The following FRMPD4 variants were observed in gnomAD, a reference collection of about 807,000 sequenced individuals.
FRMPD4 encodes the protein FERM and PDZ domain containing 4.
In FRMPD4, 22 loss-of-function variants were observed where a neutral mutation model predicts 94.1. That is an observed-to-expected ratio of 0.23 (90% confidence interval 0.17 to 0.33). The LOEUF is 0.33. Ranked by LOEUF, FRMPD4 falls within the 10% of genes least tolerant of loss-of-function variation. The pLI, the probability that FRMPD4 is intolerant of heterozygous loss-of-function variation, is 1.00. For missense variants in FRMPD4, 1,111 were observed against 1,339.9 expected (o/e 0.83, Z 2.67); for synonymous variants, 631 against 548.6 (o/e 1.15, Z -2.10).
chrX:11,842,637 G>A (rs1175108853), intron 1 of FRMPD4, among the ~76,000 whole-genome samples: 8 of 84,625 alleles, frequency 9.5e-5, no homozygotes, highest in Non-Finnish European at 1.3e-4. Context: ...ATCAGCTTAA[G>A]GAGATTTTGG....
intron 3 of FRMPD4, among the ~76,000 whole-genome samples, chrX:11,984,722 T>A (rs1434039570): frequency 8.9e-6 from 1 of 112,313 alleles, no homozygotes; most frequent in East Asian, 2.8e-4. Context: ...ATAGGCTTCA[T>A]CTTCAATATC....
At chrX:11,917,386 C>T (rs2147341834) in intron 3 of FRMPD4, among the ~76,000 whole-genome samples, 1 of 112,124 alleles carries the variant, frequency 8.9e-6, no homozygotes, top group East Asian at 2.8e-4. Context: ...AATTCCACTA[C>T]TGGGTATCAA....
chrX:12,002,142 A>G (rs1028821522), intron 3 of FRMPD4, among the ~76,000 whole-genome samples: 4 of 111,828 alleles, frequency 3.6e-5, no homozygotes, highest in African/African-American at 1.3e-4. Context: ...CTTCCTTCTC[A>G]TGCATTCTGT....
intron 1 of FRMPD4, among the ~76,000 whole-genome samples, chrX:11,846,646 G>A (rs1335865045): frequency 9.3e-6 from 1 of 107,709 alleles, no homozygotes; most frequent in African/African-American, 3.4e-5. Context: ...CAAGGCTACA[G>A]TAACCAAAAC....
intron 3 of FRMPD4, among the ~76,000 whole-genome samples, chrX:11,997,124 A>G (rs963827176): frequency 9.0e-6 from 1 of 111,380 alleles, no homozygotes; most frequent in Non-Finnish European, 1.9e-5. Context: ...GTGTTAGGAA[A>G]CAAGGCAGAA....
At chrX:11,901,712 G>A (rs778751675) in intron 3 of FRMPD4, among the ~76,000 whole-genome samples, 3 of 111,678 alleles carry the variant, frequency 2.7e-5, no homozygotes, top group Non-Finnish European at 5.7e-5. Flanking sequence ...ATTCCCATCA[G>A]CAGTGTAAAA....
chrX:12,001,873 T>C (rs2054526492), intron 3 of FRMPD4, among the ~76,000 whole-genome samples: 1 of 112,288 alleles, frequency 8.9e-6, no homozygotes. Flanking sequence ...AAAGATTGAC[T>C]TGCCATCATT....
intron 1 of FRMPD4, among the ~76,000 whole-genome samples, chrX:12,394,817 C>G (rs1350949896): frequency 1.8e-5 from 2 of 111,955 alleles, no homozygotes; most frequent in African/African-American, 6.5e-5. Flanking sequence ...TCTGACTGAA[C>G]ATGCTGATCT....
In FRMPD4 at chrX:12,534,937, T is replaced by C. The variant is rs1236322426; in HGVS notation, c.158+36141T>C. Among the ~76,000 whole-genome samples the C allele has an allele frequency of 3.6e-5, 4 of 111,027 alleles. No individual in the cohort carries two copies. The Admixed American group carries it at 3.8e-4, about 11-fold the overall frequency. On this transcript the variant is annotated intron_variant, in intron 2 of 16. Coordinates refer to ENST00000675598, the MANE Select transcript of FRMPD4 (RefSeq NM_001368397.1). ...GGTTTTGAAATGTGAAGCCATGAGATTTGGAGGGGCCAGGGGCAGAATGAT... is the reference window on the plus strand; with the variant it reads ...GGTTTTGAAATGTGAAGCCATGAGACTTGGAGGGGCCAGGGGCAGAATGAT...
intron 1 of FRMPD4, among the ~76,000 whole-genome samples, chrX:12,240,373 AGT>A (rs1456089291): frequency 8.9e-6 from 1 of 112,250 alleles, no homozygotes; most frequent in Non-Finnish European, 1.9e-5. Context: ...ATGTATCCCC[AGT>A]GTCTATAAGG....
chrX:12,083,609 G>A (rs1392159566), intron 3 of FRMPD4, among the ~76,000 whole-genome samples: 1 of 112,254 alleles, frequency 8.9e-6, no homozygotes, highest in East Asian at 2.8e-4. Flanking sequence ...AGTTTGTACT[G>A]TGTGCCTGGA....
At chrX:12,556,325 T>C (rs976264066) in intron 2 of FRMPD4, among the ~76,000 whole-genome samples, 2 of 110,788 alleles carry the variant, frequency 1.8e-5, no homozygotes, top group Non-Finnish European at 3.8e-5. Context: ...CTTGGGTGGG[T>C]CTGCCCTAAT....
chrX:12,625,047 TA>T (rs757131927), intron 4 of FRMPD4, among the ~76,000 whole-genome samples: 1 of 111,904 alleles, frequency 8.9e-6, no homozygotes, highest in East Asian at 2.8e-4. Context: ...TCAACATCAC[TA>T]ATCACCAGAG....
chrX:12,492,340 A>G (rs1000149303), intron 1 of FRMPD4, among the ~76,000 whole-genome samples: 1 of 112,189 alleles, frequency 8.9e-6, no homozygotes, highest in Non-Finnish European at 1.9e-5. Flanking sequence ...CTAACTCAAC[A>G]AGCTGTGAGA....
At chrX:12,430,192 A>T (rs2056996210) in intron 1 of FRMPD4, among the ~76,000 whole-genome samples, 1 of 112,312 alleles carries the variant, frequency 8.9e-6, no homozygotes. Context: ...TTCTTATATG[A>T]TCTTGTTTAC....
intron 1 of FRMPD4, among the ~76,000 whole-genome samples, chrX:12,430,892 C>T (rs1307607783): frequency 1.8e-5 from 2 of 112,064 alleles, no homozygotes; most frequent in Non-Finnish European, 3.8e-5. Context: ...AAAATATTCT[C>T]GGAAGCATCT....
chrX:12,152,922 C>CTT (rs2055877147), intron 1 of FRMPD4, among the ~76,000 whole-genome samples: 1 of 79,657 alleles, frequency 1.3e-5, no homozygotes, highest in Non-Finnish European at 2.4e-5. Flanking sequence ...AAAGCTTATA[C>CTT]ATTTTTTTTT....
intron 2 of FRMPD4, among the ~76,000 whole-genome samples, chrX:12,579,016 G>A (rs1836984979): frequency 9.0e-6 from 1 of 111,620 alleles, no homozygotes; most frequent in African/African-American, 3.3e-5. Flanking sequence ...AAATGGGGGT[G>A]AAAAAAAGAA....
chrX:11,918,307 T>C (rs1332021197), intron 3 of FRMPD4, among the ~76,000 whole-genome samples: 1 of 113,111 alleles, frequency 8.8e-6, no homozygotes, highest in Non-Finnish European at 1.9e-5. Flanking sequence ...ATCTCTGAGA[T>C]ATAGAAAGGG....
Sources: allele counts gnomAD v4.1 joint callset (sites outside exome capture counted in the v4.1 genomes callset), GRCh38; gene constraint gnomAD v4.1.1; transcripts MANE v1.5; gene names NCBI Gene and HGNC (gene_info 2026-07-23, HGNC 2026-07-21).